Variants in RPS5 observed in about 807,000 individuals in gnomAD.
The protein encoded by RPS5 is ribosomal protein S5.
Under a neutral mutation model 20.9 loss-of-function variants are expected in RPS5, and 2 were observed. The ratio of observed to expected loss-of-function variants is 0.10; its 90% CI spans 0.04 to 0.30. The LOEUF is 0.30. Ranked by LOEUF, RPS5 falls within the 10% of genes least tolerant of loss-of-function variation. The probability of loss-of-function intolerance (pLI) is 1.00; values close to 1 mark genes in which losing one functional copy is unlikely to be tolerated. For synonymous variants in RPS5, 112 were observed against 105.8 expected, an observed-to-expected ratio of 1.06 and a Z score of -0.36; for missense variants, 122 against 287.2, an observed-to-expected ratio of 0.42 and a Z score of 4.16.
At chr19:58,389,649 T>TA (rs1471774821) in intron 2 of RPS5, among the ~76,000 whole-genome samples, 3 of 152,064 alleles carry the variant, frequency 2.0e-5, no homozygotes, top group African/African-American at 7.2e-5. Flanking sequence ...TTTATTTATT[T>TA]TTTTGAAACG....
intron 4 of RPS5, 93 bp from the exon 5 acceptor site, chr19:58,394,404 G>A (rs2122166563): frequency 9.5e-7 from 1 of 1,048,372 alleles, no homozygotes; most frequent in East Asian, 2.4e-5. Flanking sequence ...GCCTATGGGT[G>A]ACAACGTGGC....
intron 2 of RPS5, chr19:58,388,692 G>A: frequency 2.9e-6 from 1 of 346,290 alleles, no homozygotes; most frequent in Non-Finnish European, 5.0e-6. Flanking sequence ...CCCTGGGCTG[G>A]AGTGCAGTGA....
chr19:58,388,717 C>T (rs982342869), intron 2 of RPS5: 3 of 313,090 alleles, frequency 9.6e-6, no homozygotes, highest in African/African-American at 2.3e-5. Context: ...ATCTGCCTAC[C>T]GGGTTCACAC....
chr19:58,394,123 T>A (rs1417403961), intron 4 of RPS5: 2 of 208,208 alleles, frequency 9.6e-6, no homozygotes, highest in African/African-American at 4.6e-5. Context: ...GTCGTCGGTT[T>A]TTTTGTTTGT....
chr19:58,389,025 T>C (rs1249450206), intron 2 of RPS5, among the ~76,000 whole-genome samples: 1 of 152,136 alleles, frequency 6.6e-6, no homozygotes, highest in Non-Finnish European at 1.5e-5. Context: ...TTGTATTAAG[T>C]TTTGCAATTG....
chr19:58,393,595 C>G, intron 4 of RPS5, 108 bp downstream of exon 4: 4 of 1,384,054 alleles, frequency 2.9e-6, no homozygotes, highest in Non-Finnish European at 3.9e-6. Context: ...TTACCTGCAG[C>G]ATCACTTCCT....
intron 1 of RPS5, 45 bp from the exon 2 acceptor site, chr19:58,388,092 C>G: frequency 7.2e-7 from 1 of 1,384,876 alleles, no homozygotes; most frequent in Non-Finnish European, 1.0e-6. Context: ...TTGCTCCATG[C>G]TAGCTGAGCT....
intron 2 of RPS5, among the ~76,000 whole-genome samples, chr19:58,389,572 CAG>C (rs2052350023): frequency 6.6e-6 from 1 of 151,676 alleles, no homozygotes; most frequent in South Asian, 2.1e-4. Flanking sequence ...TTCTTTCCTT[CAG>C]GGGTTTATTT....
At chr19:58,388,965 T>C (rs1228755640) in intron 2 of RPS5, among the ~76,000 whole-genome samples, 1 of 152,188 alleles carries the variant, frequency 6.6e-6, no homozygotes, top group Non-Finnish European at 1.5e-5. Flanking sequence ...TTCAGTTATA[T>C]TCCACTGGTC....
intron 2 of RPS5, among the ~76,000 whole-genome samples, chr19:58,390,114 C>T (rs2052353263): frequency 6.6e-6 from 1 of 151,922 alleles, no homozygotes; most frequent in Admixed American, 6.6e-5. Flanking sequence ...AGGCTGGTCT[C>T]TTAACTCCTG....
chr19:58,387,473 G>T (rs79282983), intron 1 of RPS5, 134 bp downstream of exon 1: 10,032 of 152,398 alleles, frequency 0.066, 398 homozygotes, highest in Middle Eastern at 0.15. Context: ...AAACGGGCGC[G>T]GGCCGAGTTA....
intron 2 of RPS5, among the ~76,000 whole-genome samples, chr19:58,389,259 CTTTT>C (rs939781269): frequency 6.6e-6 from 1 of 151,310 alleles, no homozygotes; most frequent in African/African-American, 2.4e-5. Flanking sequence ...CTTTCCTCCT[CTTTT>C]TTTTTAATCA....
chr19:58,388,737 G>A (rs890585414), intron 2 of RPS5: 1 of 295,006 alleles, frequency 3.4e-6, no homozygotes. Context: ...CCATTCTCCT[G>A]CCTCAGCCTC....
chr19:58,389,722 C>T (rs1330139633), intron 2 of RPS5, among the ~76,000 whole-genome samples: 6 of 151,188 alleles, frequency 4.0e-5, no homozygotes, highest in Non-Finnish European at 7.4e-5. Flanking sequence ...CCACAACCTC[C>T]GCCTCCCGGG....
chr19:58,388,336 C>T, intron 2 of RPS5, 91 bp downstream of exon 2: 1 of 872,692 alleles, frequency 1.1e-6, no homozygotes, highest in Non-Finnish European at 1.9e-6. Flanking sequence ...GCCATTAAGT[C>T]AAGAATAGAG....
intron 2 of RPS5, 58 bp downstream of exon 2, chr19:58,388,303 G>A (rs907854452): frequency 1.6e-6 from 2 of 1,217,910 alleles, no homozygotes; most frequent in African/African-American, 1.5e-5. Flanking sequence ...TTCCAGGAAG[G>A]CACACATCAA....
At chr19:58,393,687 GTCT>G in intron 4 of RPS5, 200 bp downstream of exon 4, 1 of 610,938 alleles carries the variant, frequency 1.6e-6, no homozygotes, top group Non-Finnish European at 2.8e-6. Flanking sequence ...TTTGGCAGAG[GTCT>G]TCTTTCTTTC....
In RPS5 at chr19:58,393,347, C is replaced by G; in HGVS notation, c.319-12C>G. 1 of 1,613,362 alleles carries G rather than the reference C, an allele frequency of 6.2e-7. No homozygotes were observed. The highest frequency in any genetic ancestry group is 8.5e-7 in the Non-Finnish European group (1 of 1,179,426). Reference sequence around the variant, plus strand: ...GGGCTGGATGTCAGGCTCATATCCCCCTTCTCTCTAGAACCCTCTGCAGGT... The same window carrying G: ...GGGCTGGATGTCAGGCTCATATCCCGCTTCTCTCTAGAACCCTCTGCAGGT... On this transcript the variant is annotated splice_polypyrimidine_tract_variant and intron_variant, in intron 3 of 5. Coordinates refer to ENST00000196551, the MANE Select transcript of RPS5 (RefSeq NM_001009.4).
At chr19:58,392,725 TCTC>T (rs2052371732) in intron 2 of RPS5, among the ~76,000 whole-genome samples, 1 of 151,956 alleles carries the variant, frequency 6.6e-6, no homozygotes. Flanking sequence ...CAAAATCTAG[TCTC>T]CTTAGATTCC....
Sources: allele counts gnomAD v4.1 joint callset (sites outside exome capture counted in the v4.1 genomes callset), GRCh38; gene constraint gnomAD v4.1.1; transcripts MANE v1.5; gene names NCBI Gene and HGNC (gene_info 2026-07-23, HGNC 2026-07-21).